Variants in PRORP observed in about 807,000 individuals in gnomAD.
PRORP encodes protein only RNase P catalytic subunit.
PRORP carries 51 observed loss-of-function variants against 59.4 expected under a neutral mutation model. The ratio of observed to expected loss-of-function variants is 0.86; its 90% CI spans 0.69 to 1.08. The LOEUF is 1.08. Among genes scored for constraint, PRORP ranks in the 50% least tolerant of loss-of-function variants. PRORP has a pLI of 0.00. For synonymous variants in PRORP, 231 were observed against 245.6 expected, an observed-to-expected ratio of 0.94 and a Z score of 0.55; for missense variants, 646 against 690.3, an observed-to-expected ratio of 0.94 and a Z score of 0.72.
At chr14:35,183,221 T>TAC (rs57325498) in intron 5 of PRORP, among the ~76,000 whole-genome samples, 32,249 of 150,520 alleles carry the variant, frequency 0.21, 3,715 homozygotes, top group East Asian at 0.43. Context: ...CATACATACA[T>TAC]ACACACACAC....
chr14:35,274,828 T>C lies in PRORP; in HGVS notation c.*1262T>C, dbSNP rs537076748. On this transcript the variant is annotated 3_prime_UTR_variant, in exon 8 of 8. Coordinates refer to ENST00000534898, the MANE Select transcript of PRORP (RefSeq NM_014672.4). ...GCTTTCTAAAATATGCCAATTTTTT[T>C]CCACTTAATCAAGTTTGACTTAATT... The C allele has an allele frequency of 1.3e-5, 2 of 152,358 alleles. No individual in the cohort carries two copies. Among genetic ancestry groups the C allele is most frequent in the African/African-American group, 4.8e-5 (2 of 41,588 alleles). 9.4% of individuals were successfully genotyped at this position (152,358 alleles called of 1,614,324 possible). A position where few individuals can be genotyped will look rare whatever the true frequency, so the allele number is the denominator to read the frequency against.
At chr14:35,195,606 AAAAT>A (rs2048989637) in intron 5 of PRORP, among the ~76,000 whole-genome samples, 1 of 152,122 alleles carries the variant, frequency 6.6e-6, no homozygotes, top group South Asian at 2.1e-4. Flanking sequence ...ATAAGAAACT[AAAAT>A]AAATCTTTAA....
intron 5 of PRORP, among the ~76,000 whole-genome samples, chr14:35,209,848 T>C (rs2049393038): frequency 6.6e-6 from 1 of 152,224 alleles, no homozygotes; most frequent in Non-Finnish European, 1.5e-5. Context: ...TCTTGATTTC[T>C]TGACATATGT....
intron 4 of PRORP, among the ~76,000 whole-genome samples, chr14:35,170,881 C>T (rs11846149): frequency 0.13 from 18,892 of 151,070 alleles, 1,268 homozygotes; most frequent in Middle Eastern, 0.17. Context: ...CGGAGTTTCA[C>T]TCTTGTTGCC....
intron 5 of PRORP, among the ~76,000 whole-genome samples, chr14:35,250,244 GAAAA>G (rs1189564914): frequency 1.3e-5 from 2 of 148,976 alleles, no homozygotes; most frequent in African/African-American, 4.9e-5. Context: ...AAAAAAAAAA[GAAAA>G]AAAAAGATGT....
intron 5 of PRORP, among the ~76,000 whole-genome samples, chr14:35,200,285 C>T (rs1037084179): frequency 4.6e-5 from 7 of 152,170 alleles, no homozygotes; most frequent in Admixed American, 6.5e-5. Context: ...CTCCACCTCC[C>T]GGGTTCAAGC....
intron 4 of PRORP, among the ~76,000 whole-genome samples, chr14:35,133,792 A>G (rs891405916): frequency 3.3e-5 from 5 of 152,204 alleles, no homozygotes; most frequent in African/African-American, 9.7e-5. Context: ...ATTACTAGGC[A>G]GAAGCTCTTG....
chr14:35,163,214 G>GT (rs1032084283), intron 4 of PRORP, among the ~76,000 whole-genome samples: 3 of 151,742 alleles, frequency 2.0e-5, no homozygotes, highest in Admixed American at 1.3e-4. Context: ...GCTTTTAAGC[G>GT]TTTTTTAACA....
intron 5 of PRORP, among the ~76,000 whole-genome samples, chr14:35,217,225 G>A (rs2049623194): frequency 6.6e-6 from 1 of 152,016 alleles, no homozygotes; most frequent in Non-Finnish European, 1.5e-5. Context: ...TCTAGGGTGG[G>A]CGCAGTGGCT....
chr14:35,267,464 G>A (rs1013118411), intron 6 of PRORP, among the ~76,000 whole-genome samples: 1 of 152,040 alleles, frequency 6.6e-6, no homozygotes, highest in Non-Finnish European at 1.5e-5. Context: ...AGAGGTGGTG[G>A]GAAGACCATC....
chr14:35,231,250 C>T (rs2050072998), intron 5 of PRORP, among the ~76,000 whole-genome samples: 1 of 152,136 alleles, frequency 6.6e-6, no homozygotes, highest in South Asian at 2.1e-4. Context: ...ATCTACTAAA[C>T]TCCTAATCAT....
At chr14:35,252,434 AAAAC>A (rs1175081196) in intron 5 of PRORP, among the ~76,000 whole-genome samples, 4 of 152,142 alleles carry the variant, frequency 2.6e-5, no homozygotes, top group Non-Finnish European at 4.4e-5. Context: ...TCAAAAACAA[AAAAC>A]AAACAAACAA....
At chr14:35,168,761 C>A (rs2138982837) in intron 4 of PRORP, among the ~76,000 whole-genome samples, 1 of 152,166 alleles carries the variant, frequency 6.6e-6, no homozygotes, top group East Asian at 1.9e-4. Context: ...TATCAAGGAC[C>A]CCCGTATGTG....
chr14:35,227,997 G>T (rs1039807370), intron 5 of PRORP, among the ~76,000 whole-genome samples: 4 of 152,114 alleles, frequency 2.6e-5, no homozygotes, highest in Admixed American at 6.5e-5. Flanking sequence ...ACAAAAATTA[G>T]CCGGGCGTGG....
chr14:35,270,693 A>G, intron 7 of PRORP, 97 bp downstream of exon 7: 1 of 1,128,338 alleles, frequency 8.9e-7, no homozygotes, highest in Non-Finnish European at 1.3e-6. Flanking sequence ...GAAGGTTGCA[A>G]ATGCTTTATT....
At chr14:35,158,508 T>C in intron 4 of PRORP, 1 of 239,628 alleles carries the variant, frequency 4.2e-6, no homozygotes, top group South Asian at 6.6e-5. Flanking sequence ...TTTCTGGAAA[T>C]TTATATATTT....
chr14:35,199,267 G>A lies in PRORP; in HGVS notation c.1275+18490G>A, dbSNP rs144882397. ...GGAGAATCGCTTGAACCCGGAAGGC[G>A]GATGTTGCAGTAAGCCGAGATTGCA... On this transcript the variant is annotated intron_variant, in intron 5 of 7. Coordinates refer to ENST00000534898, the MANE Select transcript of PRORP (RefSeq NM_014672.4). Among the ~76,000 whole-genome samples the A allele has an allele frequency of 6.5e-3, 978 of 151,574 alleles. 8 individuals carry two copies. The highest frequency in any genetic ancestry group is 0.023 in the African/African-American group (942 of 41,304).
At chr14:35,219,967 T>A (rs962470126) in intron 5 of PRORP, among the ~76,000 whole-genome samples, 8 of 152,348 alleles carry the variant, frequency 5.3e-5, no homozygotes, top group Non-Finnish European at 1.0e-4. Context: ...GCCGCCATCT[T>A]CTCACAACTG....
intron 5 of PRORP, among the ~76,000 whole-genome samples, chr14:35,196,613 G>T (rs146219016): frequency 0.015 from 2,260 of 152,266 alleles, 24 homozygotes; most frequent in Non-Finnish European, 0.025. Flanking sequence ...AAACAAATTT[G>T]CATTAGTGGA....
Sources: allele counts gnomAD v4.1 joint callset (sites outside exome capture counted in the v4.1 genomes callset), GRCh38; gene constraint gnomAD v4.1.1; transcripts MANE v1.5; gene names NCBI Gene and HGNC (gene_info 2026-07-23, HGNC 2026-07-21).